The following CXCL6 variants were observed in gnomAD, a reference collection of about 807,000 sequenced individuals.
The protein encoded by CXCL6 is C-X-C motif chemokine 6.
In CXCL6, 18 loss-of-function variants were observed where a neutral mutation model predicts 10.5. The observed-to-expected ratio is 1.71, with a 90% CI of 1.18 to 2.54. CXCL6 has a LOEUF of 2.54. CXCL6 is among the 30% of genes most tolerant of loss of function. The probability of loss-of-function intolerance (pLI) is 0.00; values close to 1 mark genes in which losing one functional copy is unlikely to be tolerated. For synonymous variants in CXCL6, 82 were observed against 68.3 expected, an observed-to-expected ratio of 1.20 and a Z score of -0.99; for missense variants, 171 against 145.7, an observed-to-expected ratio of 1.17 and a Z score of -0.90.
Position 73,836,989 on chromosome 4 carries a change from A to C in CXCL6, c.135A>C (p.Thr45=). The C allele has an allele frequency of 8.1e-6, 13 of 1,612,002 alleles. No individual in the cohort carries two copies. The highest frequency in any genetic ancestry group is 1.1e-5 in the Non-Finnish European group (13 of 1,178,990). ...ASAGPVSAVL[T]ELRCTCLRVT... Reference sequence around the variant, plus strand: ...CTGGTCCTGTCTCTGCTGTGCTGACAGAGCTGCGTTGCACTTGTTTACGCG... The same window carrying C: ...CTGGTCCTGTCTCTGCTGTGCTGACCGAGCTGCGTTGCACTTGTTTACGCG... Residue 45 remains threonine (T), a synonymous_variant, in exon 2 of 4, where the codon ACA becomes ACC. Transcript: ENST00000226317.
At chr4:73,837,493 A>T (rs925492337) in intron 3 of CXCL6, 130 bp from the exon 4 acceptor site, 1 of 969,476 alleles carries the variant, frequency 1.0e-6, no homozygotes, top group East Asian at 2.5e-5. Context: ...AGAGCTCATT[A>T]CTGACATCTA....
In CXCL6 at chr4:73,837,754, C is replaced by T. The variant is rs1731138063; in HGVS notation, c.*113C>T. The T allele has an allele frequency of 1.2e-6, 1 of 832,594 alleles. No individual in the cohort carries two copies. The highest frequency in any genetic ancestry group is 1.8e-6 in the Non-Finnish European group (1 of 547,046). The allele number at this position is 832,594 out of a possible 1,614,324, so 51.6% of individuals were successfully genotyped here. ...GGAAGGGTTGGTTTTTTTCCATTTT[C>T]TACATGGATTCCCTACTTTGAAGAG... On this transcript the variant is annotated 3_prime_UTR_variant, in exon 4 of 4. Coordinates refer to ENST00000226317, the MANE Select transcript of CXCL6 (RefSeq NM_002993.4).
Position 73,837,763 on chromosome 4 carries a change from T to C in CXCL6, c.*122T>C, listed in dbSNP as rs753601012. The C allele has an allele frequency of 1.3e-5, 10 of 768,566 alleles. No homozygotes were observed. Among genetic ancestry groups the C allele is most frequent in the Non-Finnish European group, 2.0e-5 (10 of 490,956 alleles). 47.6% of individuals were successfully genotyped at this position (768,566 alleles called of 1,614,324 possible). On this transcript the variant is annotated 3_prime_UTR_variant, in exon 4 of 4. Transcript: ENST00000226317. ...GGTTTTTTTCCATTTTCTACATGGA[T>C]TCCCTACTTTGAAGAGTGTGGGGGA...
At position 73,837,475 on chromosome 4, in the gene CXCL6, A is replaced by G. The variant is rs2109754573; in HGVS notation, c.327-148A>G. 1.3e-5 allele frequency: 12 copies of G among 926,364 alleles called. No individual in the cohort carries two copies. The South Asian group carries it at 1.5e-4, about 12-fold the overall frequency. 57.4% of individuals were successfully genotyped at this position (926,364 alleles called of 1,614,324 possible). A position where few individuals can be genotyped will look rare whatever the true frequency, so the allele number is the denominator to read the frequency against. On this transcript the variant is annotated intron_variant, in intron 3 of 3. Transcript: ENST00000226317. ...TATCACCAATCTTACATGCCTGAAC[A>G]ATTACACAGAGCTCATTACTGACAT...
rs1313337000 is a variant in CXCL6, at chr4:73,836,992, G to A, written c.138G>A (p.Glu46=). The change falls in exon 2 of 4, where the codon GAG becomes GAA. Residue 46 remains glutamate (E), a synonymous_variant. Transcript: ENST00000226317. The stretch of plus-strand genomic sequence containing the variant: ...GTCCTGTCTCTGCTGTGCTGACAGA[G>A]CTGCGTTGCACTTGTTTACGCGTTA... ...SAGPVSAVLT[E]LRCTCLRVTL... 1.2e-6 allele frequency: 2 copies of A among 1,612,260 alleles called. No individual in the cohort carries two copies. Among genetic ancestry groups the A allele is most frequent in the Non-Finnish European group, 1.7e-6 (2 of 1,179,168 alleles).
rs1244520571 is a variant in CXCL6, at chr4:73,838,553, A to G, written c.*912A>G. 2 of 152,680 alleles carry G rather than the reference A, an allele frequency of 1.3e-5. No homozygotes were observed. The highest frequency in any genetic ancestry group is 4.8e-5 in the African/African-American group (2 of 41,464). 9.5% of individuals were successfully genotyped at this position (152,680 alleles called of 1,614,324 possible). On this transcript the variant is annotated 3_prime_UTR_variant, in exon 4 of 4. Transcript: ENST00000226317. ...TGAACAATTTGAATATAAATTCATC[A>G]TTTAGTCCTCAAAATATATATAGCA...
rs761961081 is a variant in CXCL6 at position 73,836,961 on chromosome 4, C to T, written c.110-3C>T. 9 of 1,604,608 alleles carry T rather than the reference C, an allele frequency of 5.6e-6. No individual in the cohort carries two copies. The Admixed American group carries it at 1.0e-4, about 18-fold the overall frequency. The stretch of plus-strand genomic sequence containing the variant: ...GCCCTATAAAAATGTCTTTCTTCCC[C>T]AGCTGGTCCTGTCTCTGCTGTGCTG... On this transcript the variant is annotated splice_region_variant and splice_polypyrimidine_tract_variant and intron_variant, in intron 1 of 3. Transcript: ENST00000226317.
intron 3 of CXCL6, 167 bp downstream of exon 3, chr4:73,837,453 C>A (rs965683481): frequency 1.1e-6 from 1 of 915,068 alleles, no homozygotes; most frequent in Middle Eastern, 3.1e-4. Context: ...AAACCTTTAT[C>A]ACCAATCTTA....
chr4:73,837,470 TG>T, intron 3 of CXCL6, 152 bp from the exon 4 acceptor site: 2 of 926,084 alleles, frequency 2.2e-6, no homozygotes, highest in Non-Finnish European at 3.4e-6. Flanking sequence ...CTTACATGCC[TG>T]AACAATTACA....
At chr4:73,837,468 C>A in intron 3 of CXCL6, 155 bp from the exon 4 acceptor site, 2 of 915,010 alleles carry the variant, frequency 2.2e-6, no homozygotes, top group Non-Finnish European at 3.4e-6. Context: ...ATCTTACATG[C>A]CTGAACAATT....
Position 73,836,684 on chromosome 4 carries a change from G to C in CXCL6, c.-67G>C. The C allele has an allele frequency of 7.5e-7, 1 of 1,340,674 alleles. No individual in the cohort carries two copies. The highest frequency in any genetic ancestry group is 1.2e-5 in the South Asian group (1 of 80,626). 83.0% of individuals were successfully genotyped at this position (1,340,674 alleles called of 1,614,324 possible). A position where few individuals can be genotyped will look rare whatever the true frequency, so the allele number is the denominator to read the frequency against. Reference sequence around the variant, plus strand: ...GCAGAAGGCACGAGGAAACCAAAGTGCTCTGTATCCTCCAGTCTCCGCGCC... The same window carrying C: ...GCAGAAGGCACGAGGAAACCAAAGTCCTCTGTATCCTCCAGTCTCCGCGCC... On this transcript the variant is annotated 5_prime_UTR_variant, in exon 1 of 4. Coordinates refer to ENST00000226317, the MANE Select transcript of CXCL6 (RefSeq NM_002993.4).
At position 73,837,736 on chromosome 4, in the gene CXCL6, T is replaced by G; in HGVS notation, c.*95T>G. On this transcript the variant is annotated 3_prime_UTR_variant, in exon 4 of 4. Transcript: ENST00000226317. ...ACCCAGTAAGAATAAGAAGGAAGGG[T>G]TGGTTTTTTTCCATTTTCTACATGG... 1 of 1,113,018 alleles carries G rather than the reference T, an allele frequency of 9.0e-7. No homozygotes were observed. The highest frequency in any genetic ancestry group is 1.3e-6 in the Non-Finnish European group (1 of 797,404). The allele number at this position is 1,113,018 out of a possible 1,614,324, so 68.9% of individuals were successfully genotyped here.
At chr4:73,837,556 T>C in intron 3 of CXCL6, 67 bp from the exon 4 acceptor site, 1 of 1,517,742 alleles carries the variant, frequency 6.6e-7, no homozygotes, top group Non-Finnish European at 8.9e-7. Flanking sequence ...CAAACGCTTT[T>C]GAAAACCAAA....
Position 73,836,771 on chromosome 4 carries a change from C to G in CXCL6, c.21C>G (p.Arg7=), listed in dbSNP as rs752065844. The G allele has an allele frequency of 6.2e-7, 1 of 1,611,074 alleles. No individual in the cohort carries two copies. The highest frequency in any genetic ancestry group is 1.7e-5 in the Admixed American group (1 of 59,840). MSLPSS[R]AARVPGPSGS... The stretch of plus-strand genomic sequence containing the variant: ...CCACTATGAGCCTCCCGTCCAGCCG[C>G]GCGGCCCGTGTCCCGGGTCCTTCGG... Residue 7 remains arginine, a synonymous_variant, in exon 1 of 4, where the codon CGC becomes CGG. Coordinates refer to ENST00000226317, the MANE Select transcript of CXCL6 (RefSeq NM_002993.4).
In CXCL6 at chr4:73,837,850, A is replaced by G. The variant is rs1731139756; in HGVS notation, c.*209A>G. ...AATGAAGTACTAATATAGTATTTCC[A>G]CTATTTACTGTTATTTTACCTGATA... is the stretch of plus-strand genomic sequence containing the variant. On this transcript the variant is annotated 3_prime_UTR_variant, in exon 4 of 4. Coordinates refer to ENST00000226317, the MANE Select transcript of CXCL6 (RefSeq NM_002993.4). The G allele has an allele frequency of 2.4e-6, 1 of 423,462 alleles. No homozygotes were observed. The highest frequency in any genetic ancestry group is 4.3e-6 in the Non-Finnish European group (1 of 232,732). The allele number at this position is 423,462 out of a possible 1,614,324, so 26.2% of individuals were successfully genotyped here. A position where few individuals can be genotyped will look rare whatever the true frequency, so the allele number is the denominator to read the frequency against.
At chr4:73,837,179 G>T in intron 2 of CXCL6, 24 bp from the exon 3 acceptor site, 1 of 1,613,980 alleles carries the variant, frequency 6.2e-7, no homozygotes, top group Non-Finnish European at 8.5e-7. Flanking sequence ...GCTCATGGGT[G>T]CATCCTCTTT....
chr4:73,837,916 A>G lies in CXCL6; in HGVS notation c.*275A>G. 3.0e-6 allele frequency: 1 copy of G among 335,710 alleles called. No homozygotes were observed. Among genetic ancestry groups the G allele is most frequent in the Non-Finnish European group, 5.4e-6 (1 of 184,810 alleles). 20.8% of individuals were successfully genotyped at this position (335,710 alleles called of 1,614,324 possible). On this transcript the variant is annotated 3_prime_UTR_variant, in exon 4 of 4. Coordinates refer to ENST00000226317, the MANE Select transcript of CXCL6 (RefSeq NM_002993.4). Reference sequence around the variant, plus strand: ...TGGCAATTGACCATATTGTGAGCAAAGAATCACTGGTTATTAGTCTTTCAA... The same window carrying G: ...TGGCAATTGACCATATTGTGAGCAAGGAATCACTGGTTATTAGTCTTTCAA...
In CXCL6 at chr4:73,837,097, G is replaced by A. The variant is rs1416501546; in HGVS notation, c.242+1G>A. The A allele has an allele frequency of 6.2e-7, 1 of 1,613,120 alleles. No individual in the cohort carries two copies. The highest frequency in any genetic ancestry group is 8.5e-7 in the Non-Finnish European group (1 of 1,179,478). ...CGCAGTGCTCCAAGGTGGAAGTGGT[G>A]TAAGTTCTCCTGTGTTGCTGTGTCC... On this transcript the variant is annotated splice_donor_variant, in intron 2 of 3. Transcript: ENST00000226317. LOFTEE classifies it high-confidence loss of function.
chr4:73,836,937 C>T (rs745715712), intron 1 of CXCL6, 27 bp from the exon 2 acceptor site: 2 of 1,603,538 alleles, frequency 1.2e-6, no homozygotes, highest in Non-Finnish European at 1.7e-6. Context: ...CAGCAACCTG[C>T]CCTATAAAAA....
Sources: gnomAD v4.1 joint callset for allele counts on GRCh38, gnomAD v4.1.1 for gene constraint, MANE v1.5 for transcripts, NCBI Gene and HGNC (gene_info 2026-07-23, HGNC 2026-07-21) for gene names.